The following JAZF1 variants were observed in gnomAD, a reference collection of about 807,000 sequenced individuals.
JAZF1 encodes juxtaposed with another zinc finger protein 1.
Under a neutral mutation model 26.4 loss-of-function variants are expected in JAZF1, and 8 were observed. That is an observed-to-expected ratio of 0.30 (90% CI 0.18 to 0.55). JAZF1 has a LOEUF of 0.55. Ranked by LOEUF, JAZF1 falls within the 20% of genes least tolerant of loss-of-function variation. The probability of loss-of-function intolerance (pLI) is 0.94; values close to 1 mark genes in which losing one functional copy is unlikely to be tolerated. For missense variants in JAZF1, 199 were observed against 322.0 expected (o/e 0.62, Z 2.92); for synonymous variants, 126 against 122.3 (o/e 1.03, Z -0.20).
At chr7:27,879,183 G>T (rs534537525) in intron 3 of JAZF1, among the ~76,000 whole-genome samples, 59 of 152,278 alleles carry the variant, frequency 3.9e-4, no homozygotes, top group African/African-American at 1.4e-3. Context: ...TGACCTTGAG[G>T]GTAAGGCCAA....
intron 3 of JAZF1, among the ~76,000 whole-genome samples, chr7:27,855,059 C>A (rs996372722): frequency 2.0e-5 from 3 of 152,086 alleles, no homozygotes; most frequent in African/African-American, 7.2e-5. Context: ...TTTGTTTGTT[C>A]CTTTTCATTC....
intron 1 of JAZF1, among the ~76,000 whole-genome samples, chr7:28,017,352 A>G (rs75665600): frequency 2.3e-5 from 3 of 130,300 alleles, no homozygotes; most frequent in Non-Finnish European, 4.6e-5. Context: ...CTGTTTCAGA[A>G]AAAAAAAAAA....
intron 3 of JAZF1, among the ~76,000 whole-genome samples, chr7:27,846,991 T>C (rs997428808): frequency 3.3e-5 from 5 of 152,060 alleles, no homozygotes; most frequent in African/African-American, 9.7e-5. Flanking sequence ...TTTTTTGAGA[T>C]GGAGTTTCAC....
intron 3 of JAZF1, among the ~76,000 whole-genome samples, chr7:27,888,590 T>C (rs915410788): frequency 1.3e-5 from 2 of 152,326 alleles, no homozygotes; most frequent in East Asian, 3.9e-4. Flanking sequence ...AAAAATACTA[T>C]ATTATTTAAA....
chr7:28,150,039 A>G (rs1479075943), intron 1 of JAZF1, among the ~76,000 whole-genome samples: 1 of 152,184 alleles, frequency 6.6e-6, no homozygotes, highest in Non-Finnish European at 1.5e-5. Context: ...CTTTGAAGAT[A>G]GGTTTTCTGA....
chr7:28,101,158 TG>T (rs1784464866), intron 1 of JAZF1, among the ~76,000 whole-genome samples: 1 of 152,150 alleles, frequency 6.6e-6, no homozygotes, highest in Non-Finnish European at 1.5e-5. Flanking sequence ...GAAATACAGG[TG>T]GAACCCTTTT....
In JAZF1 at chr7:28,043,308, T is replaced by C. The variant is rs79510503; in HGVS notation, c.116-51327A>G. Among the ~76,000 whole-genome samples, 1,317 of 152,246 alleles carry C rather than the reference T, an allele frequency of 8.7e-3. 16 individuals carry two copies. The highest frequency in any genetic ancestry group is 0.029 in the African/African-American group (1,219 of 41,538). Reference sequence around the variant, plus strand: ...CTTTGGTTGCAAGAATGCCAACTGTTGTGAGTCTGTTTTTTTCTGTGACCT... The same window carrying C: ...CTTTGGTTGCAAGAATGCCAACTGTCGTGAGTCTGTTTTTTTCTGTGACCT... On this transcript the variant is annotated intron_variant, in intron 1 of 4. Transcript: ENST00000283928.
intron 2 of JAZF1, among the ~76,000 whole-genome samples, chr7:27,987,213 C>T (rs1019055023): frequency 4.6e-5 from 7 of 151,676 alleles, no homozygotes; most frequent in African/African-American, 9.7e-5. Flanking sequence ...AGGTGAGGAG[C>T]GTCTCTGCCT....
chr7:27,928,075 G>A (rs1784628362), intron 2 of JAZF1, among the ~76,000 whole-genome samples: 1 of 152,158 alleles, frequency 6.6e-6, no homozygotes, highest in Non-Finnish European at 1.5e-5. Context: ...ACAGAGACTT[G>A]TACTAAATTG....
At chr7:28,153,968 T>C (rs1783145405) in intron 1 of JAZF1, among the ~76,000 whole-genome samples, 1 of 151,796 alleles carries the variant, frequency 6.6e-6, no homozygotes, top group Non-Finnish European at 1.5e-5. Context: ...CTAAGAGAAG[T>C]CCCTATCAAA....
chr7:27,944,880 T>C (rs7776540), intron 2 of JAZF1, among the ~76,000 whole-genome samples: 54,993 of 151,970 alleles, frequency 0.36, 10,794 homozygotes, highest in African/African-American at 0.49. Flanking sequence ...ATTGGATCAT[T>C]TGGCTTTGCA....
At chr7:28,121,196 G>T (rs13311776) in intron 1 of JAZF1, among the ~76,000 whole-genome samples, 1 of 34,850 alleles carries the variant, frequency 2.9e-5, no homozygotes, top group Non-Finnish European at 5.6e-5. Flanking sequence ...GAAAAAAAAA[G>T]AAAAAGAAAA....
At position 28,167,785 on chromosome 7, in the gene JAZF1, A is replaced by G. The variant is rs79429073; in HGVS notation, c.115+12678T>C. On this transcript the variant is annotated intron_variant, in intron 1 of 4. Coordinates refer to ENST00000283928, the MANE Select transcript of JAZF1 (RefSeq NM_175061.4). ...TTATCATTTTAGAATTTGGTATAAA[A>G]GAAAAAGTTTTAATTACAATGTTTT... Among the ~76,000 whole-genome samples, 507 of 152,340 alleles carry G rather than the reference A, an allele frequency of 3.3e-3. 6 individuals carry two copies. The highest frequency in any genetic ancestry group is 0.017 in the East Asian group (87 of 5,192).
At chr7:27,928,544 AATTCTTTGTTTT>A (rs1784633123) in intron 2 of JAZF1, among the ~76,000 whole-genome samples, 1 of 152,198 alleles carries the variant, frequency 6.6e-6, no homozygotes, top group African/African-American at 2.4e-5. Flanking sequence ...AAAGGACACT[AATTCTTTGTTTT>A]GTTCTTTGCT....
At chr7:27,879,633 T>C (rs1167246007) in intron 3 of JAZF1, among the ~76,000 whole-genome samples, 1 of 152,082 alleles carries the variant, frequency 6.6e-6, no homozygotes, top group African/African-American at 2.4e-5. Flanking sequence ...TTTAAAAGGG[T>C]GGGGCCTGCT....
At chr7:27,866,851 G>A (rs1783482176) in intron 3 of JAZF1, among the ~76,000 whole-genome samples, 1 of 152,166 alleles carries the variant, frequency 6.6e-6, no homozygotes, top group South Asian at 2.1e-4. Context: ...GGAGACCTGG[G>A]GATAAAGAAG....
At chr7:27,837,918 A>G (rs10281008) in intron 4 of JAZF1, among the ~76,000 whole-genome samples, 17,130 of 152,082 alleles carry the variant, frequency 0.11, 1,037 homozygotes, top group African/African-American at 0.14. Context: ...AGGTTAACCA[A>G]TGAAGAGGAC....
intron 1 of JAZF1, among the ~76,000 whole-genome samples, chr7:28,056,997 GGAACA>G (rs770513717): frequency 5.1e-4 from 77 of 152,200 alleles, no homozygotes; most frequent in Non-Finnish European, 8.8e-4. Flanking sequence ...CATTCATTCT[GGAACA>G]CCTGAACAAT....
chr7:28,123,094 A>G (rs1240595897), intron 1 of JAZF1, among the ~76,000 whole-genome samples: 6 of 151,952 alleles, frequency 3.9e-5, no homozygotes, highest in Non-Finnish European at 7.4e-5. Flanking sequence ...GTCACCCTGC[A>G]TGCCCCACCC....
Sources: allele counts gnomAD v4.1 joint callset (sites outside exome capture counted in the v4.1 genomes callset), GRCh38; gene constraint gnomAD v4.1.1; transcripts MANE v1.5; gene names NCBI Gene and HGNC (gene_info 2026-07-23, HGNC 2026-07-21).